Variants in KDM4B observed in about 807,000 individuals in gnomAD.
KDM4B encodes lysine-specific demethylase 4B.
In KDM4B, 32 loss-of-function variants were observed where a neutral mutation model predicts 125.2. That is an observed-to-expected ratio of 0.26 (90% CI 0.19 to 0.34). The LOEUF is 0.34. Ranked by LOEUF, KDM4B falls within the 10% of genes least tolerant of loss-of-function variation. The pLI is 1.00. For synonymous variants in KDM4B, 721 were observed against 677.9 expected, an observed-to-expected ratio of 1.06 and a Z score of -0.99; for missense variants, 1,190 against 1,577.7, an observed-to-expected ratio of 0.75 and a Z score of 4.16.
rs1198728326 is a variant in KDM4B at position 5,102,214 on chromosome 19, C to T, written c.919-8408C>T. Among the ~76,000 whole-genome samples the T allele has an allele frequency of 3.3e-5, 5 of 152,312 alleles. No homozygotes were observed. In the East Asian group the frequency reaches 9.7e-4, roughly 29 times the overall value. On this transcript the variant is annotated intron_variant, in intron 9 of 22. Coordinates refer to ENST00000159111, the MANE Select transcript of KDM4B (RefSeq NM_015015.3). ...CCCAGCCTGCTGTCGTCTCCTTTTC[C>T]ATCCTCCCTGTCCTTGCAGGTGTGT...
chr19:5,027,443 G>A (rs984675552), intron 2 of KDM4B, among the ~76,000 whole-genome samples: 3 of 152,188 alleles, frequency 2.0e-5, no homozygotes, highest in African/African-American at 7.2e-5. Flanking sequence ...TCTCAGCTGA[G>A]AAGAGTGCCA....
rs995057560 is a variant in KDM4B, at chr19:5,035,441, A to G, written c.141+2410A>G. On this transcript the variant is annotated intron_variant, in intron 3 of 22. Transcript: ENST00000159111. This position sits in a 1 kb window ranked among gnomAD's most constrained non-coding sequence, Gnocchi z 5.3. ...ACTTCTTCCTCATCCCTCACCTCCC[A>G]CCGGGCTCCATGCCCCGGTGTTTCC... Among the ~76,000 whole-genome samples, 5 of 151,674 alleles carry G rather than the reference A, an allele frequency of 3.3e-5. No homozygotes were observed. The highest frequency in any genetic ancestry group is 5.9e-5 in the Non-Finnish European group (4 of 67,912).
At chr19:5,049,468 G>C (rs1244056024) in intron 6 of KDM4B, among the ~76,000 whole-genome samples, 4 of 151,222 alleles carry the variant, frequency 2.6e-5, no homozygotes, top group Non-Finnish European at 4.4e-5. Context: ...CTTGGTCTTG[G>C]TTTTTGCCCA....
At chr19:5,137,182 G>T in intron 15 of KDM4B, 80 bp from the exon 16 acceptor site, 1 of 971,484 alleles carries the variant, frequency 1.0e-6, no homozygotes, top group Non-Finnish European at 1.6e-6. Context: ...CAAGTTACCC[G>T]GCCCCTCCCC....
intron 1 of KDM4B, among the ~76,000 whole-genome samples, chr19:4,977,653 G>A (rs2034494876): frequency 6.6e-6 from 1 of 152,234 alleles, no homozygotes; most frequent in South Asian, 2.1e-4. Context: ...CGCTCTTTGT[G>A]TGATGGGTCC....
intron 2 of KDM4B, among the ~76,000 whole-genome samples, chr19:5,021,956 G>C (rs1423388237): frequency 6.6e-6 from 1 of 152,046 alleles, no homozygotes; most frequent in African/African-American, 2.4e-5. Context: ...TAAGAGACTT[G>C]GCACGCATTT....
At chr19:4,988,816 C>T (rs1422796714) in intron 1 of KDM4B, among the ~76,000 whole-genome samples, 1 of 152,180 alleles carries the variant, frequency 6.6e-6, no homozygotes, top group Non-Finnish European at 1.5e-5. Flanking sequence ...CCGGGTTTTA[C>T]CTCAGCTTCC....
chr19:5,082,276 G>T lies in KDM4B; in HGVS notation c.781-91G>T. ...GAAACCCCCTTGGCTCATAAGCCAG[G>T]CTCCCTGGCACTTGCTGGGAAGTGC... On this transcript the variant is annotated intron_variant, in intron 8 of 22. Transcript: ENST00000159111. This position sits in a 1 kb window ranked among gnomAD's most constrained non-coding sequence, Gnocchi z 5.4. 1.3e-6 allele frequency: 2 copies of T among 1,519,808 alleles called. No individual in the cohort carries two copies. Among genetic ancestry groups the T allele is most frequent in the South Asian group, 2.3e-5 (2 of 85,126 alleles). 94.1% of individuals were successfully genotyped at this position (1,519,808 alleles called of 1,614,324 possible). A position where few individuals can be genotyped will look rare whatever the true frequency, so the allele number is the denominator to read the frequency against.
At chr19:4,990,193 G>A (rs1005524800) in intron 1 of KDM4B, among the ~76,000 whole-genome samples, 3 of 152,136 alleles carry the variant, frequency 2.0e-5, no homozygotes, top group Non-Finnish European at 4.4e-5. Flanking sequence ...GGGAGGCTGA[G>A]GCAGAAGGAT....
At chr19:5,101,568 A>G (rs886203272) in intron 9 of KDM4B, among the ~76,000 whole-genome samples, 1 of 151,152 alleles carries the variant, frequency 6.6e-6, no homozygotes, top group East Asian at 1.9e-4. Flanking sequence ...AAAAAACCCA[A>G]GTGGGCAATG....
chr19:5,001,548 C>A (rs2035385629), intron 1 of KDM4B, among the ~76,000 whole-genome samples: 1 of 152,180 alleles, frequency 6.6e-6, no homozygotes, highest in Non-Finnish European at 1.5e-5. Flanking sequence ...CCGTGAGTAA[C>A]CTGGTGTATA....
intron 6 of KDM4B, among the ~76,000 whole-genome samples, chr19:5,062,410 C>T (rs887459350): frequency 1.3e-5 from 2 of 152,260 alleles, no homozygotes; most frequent in Admixed American, 1.3e-4. Flanking sequence ...GCTCTGGCAC[C>T]TGCCCTTCCT....
intron 16 of KDM4B, 126 bp downstream of exon 16, chr19:5,137,464 G>T (rs1037220599): frequency 3.6e-5 from 43 of 1,207,466 alleles, no homozygotes; most frequent in Non-Finnish European, 5.0e-5. Context: ...CTGCCCTGAG[G>T]GGGTGGAACC....
At chr19:4,990,389 C>G (rs1019343903) in intron 1 of KDM4B, among the ~76,000 whole-genome samples, 29 of 152,198 alleles carry the variant, frequency 1.9e-4, no homozygotes, top group African/African-American at 6.5e-4. Flanking sequence ...GAGCCCGAGG[C>G]AGACATGCCC....
At chr19:5,084,322 A>G (rs952600428) in intron 9 of KDM4B, among the ~76,000 whole-genome samples, 1 of 145,818 alleles carries the variant, frequency 6.9e-6, no homozygotes, top group African/African-American at 2.5e-5. Context: ...TATAATTTAT[A>G]TATTGTATAT....
At chr19:5,150,224 CTTGG>C (rs2039921951) in intron 21 of KDM4B, 130 bp from the exon 22 acceptor site, 1 of 630,308 alleles carries the variant, frequency 1.6e-6, no homozygotes, top group South Asian at 1.9e-5. Flanking sequence ...TGAGCTTCAG[CTTGG>C]CTGCATGTGG....
intron 9 of KDM4B, among the ~76,000 whole-genome samples, chr19:5,090,394 CT>C (rs1313820034): frequency 5.9e-5 from 3 of 51,196 alleles, no homozygotes; most frequent in African/African-American, 1.0e-4. Context: ...ATCTCTCCCC[CT>C]CTCTCTCTCT....
At chr19:5,095,429 C>T (rs1460875525) in intron 9 of KDM4B, among the ~76,000 whole-genome samples, 1 of 152,252 alleles carries the variant, frequency 6.6e-6, no homozygotes, top group Admixed American at 6.5e-5. Flanking sequence ...GAGATGGCCT[C>T]TGGTGAAAGC....
intron 1 of KDM4B, among the ~76,000 whole-genome samples, chr19:4,989,363 A>C (rs1385095690): frequency 1.3e-5 from 2 of 151,938 alleles, no homozygotes. Flanking sequence ...TTTGAGACAG[A>C]GTCTTGCTCT....
Sources: allele counts gnomAD v4.1 joint callset (sites outside exome capture counted in the v4.1 genomes callset), GRCh38; gene constraint gnomAD v4.1.1; non-coding constraint Gnocchi (gnomAD v3.1); transcripts MANE v1.5; gene names NCBI Gene and HGNC (gene_info 2026-07-23, HGNC 2026-07-21).